The following SMARCA2 variants were observed in gnomAD, a reference collection of about 807,000 sequenced individuals.
SMARCA2 encodes the protein SWI/SNF-related matrix-associated actin-dependent regulator of chromatin subfamily A member 2.
SMARCA2 carries 61 observed loss-of-function variants against 199.8 expected under a neutral mutation model. The ratio of observed to expected loss-of-function variants is 0.31; its 90% CI spans 0.25 to 0.38. The LOEUF (loss-of-function observed/expected upper bound fraction) is 0.38. Ranked by LOEUF, SMARCA2 falls within the 10% of genes least tolerant of loss-of-function variation. The pLI, the probability that SMARCA2 is intolerant of heterozygous loss-of-function variation, is 1.00. For synonymous variants in SMARCA2, 935 were observed against 732.0 expected (o/e 1.28, Z -4.48); for missense variants, 1,344 against 2,012.2 (o/e 0.67, Z 6.35).
chr9:2,131,375 GAC>G (rs1823940584), intron 27 of SMARCA2, among the ~76,000 whole-genome samples: 1 of 152,218 alleles, frequency 6.6e-6, no homozygotes, highest in Non-Finnish European at 1.5e-5. Flanking sequence ...GATGAGGGAA[GAC>G]ACCGCTTTGT....
intron 33 of SMARCA2, 85 bp from the exon 34 acceptor site, chr9:2,192,619 A>G: frequency 1.1e-6 from 1 of 912,768 alleles, no homozygotes; most frequent in East Asian, 2.4e-5. Context: ...ATTTTTTCCT[A>G]CTGGCCTCTT....
chr9:2,076,584 A>G (rs1489659050), intron 13 of SMARCA2, among the ~76,000 whole-genome samples: 2 of 150,302 alleles, frequency 1.3e-5, no homozygotes, highest in Non-Finnish European at 3.0e-5. Context: ...CTCTCTCCTT[A>G]ATCCCCACCT....
rs201616418 is a variant in SMARCA2, at chr9:2,097,318, G to A, written c.2992-67G>A. The A allele has an allele frequency of 3.9e-5, 40 of 1,021,922 alleles. No individual in the cohort carries two copies. In the East Asian group the frequency reaches 8.8e-4, roughly 23 times the overall value. The allele number at this position is 1,021,922 out of a possible 1,614,324, so 63.3% of individuals were successfully genotyped here. A position where few individuals can be genotyped will look rare whatever the true frequency, so the allele number is the denominator to read the frequency against. ...TTGTCCTTTGTATAAGAAGCCCAGT[G>A]TGAAGGATCTGAAATGTCTGACCAG... On this transcript the variant is annotated intron_variant, in intron 20 of 33. Transcript: ENST00000349721.
intron 9 of SMARCA2, among the ~76,000 whole-genome samples, chr9:2,062,345 C>T (rs1447797824): frequency 6.6e-6 from 1 of 152,190 alleles, no homozygotes; most frequent in East Asian, 1.9e-4. Context: ...GCCATGTGTT[C>T]TGCAGAGGTT....
In SMARCA2 at chr9:2,174,924, C is replaced by CAAAAAAAAAAAAA. The variant is rs61327057; in HGVS notation, c.4253+4468_4253+4480dup. On this transcript the variant is annotated intron_variant, in intron 29 of 33. Transcript: ENST00000349721. Reference sequence around the variant, plus strand: ...TGGGGGACAGAGTGAGACCCTCTCTCAAAAAAAAAAAAAAAAAAAAAAAAA... The same window carrying CAAAAAAAAAAAAA: ...TGGGGGACAGAGTGAGACCCTCTCTCAAAAAAAAAAAAAAAAAAAAAAAAAAAAAAAAAAAAAA... 2.2e-4 allele frequency among the ~76,000 whole-genome samples: 14 copies of CAAAAAAAAAAAAA among 62,302 alleles called. 1 individual carries two copies. Among genetic ancestry groups the CAAAAAAAAAAAAA allele is most frequent in the African/African-American group, 7.2e-4 (10 of 13,962 alleles). The allele number at this position is 62,302 out of a possible 152,430, so 40.9% of individuals were successfully genotyped here. A position where few individuals can be genotyped will look rare whatever the true frequency, so the allele number is the denominator to read the frequency against.
intron 32 of SMARCA2, among the ~76,000 whole-genome samples, chr9:2,187,138 G>A (rs886688961): frequency 6.6e-6 from 1 of 152,082 alleles, no homozygotes; most frequent in Non-Finnish European, 1.5e-5. Context: ...GCCAGGGGAA[G>A]AGGGGTGATG....
chr9:2,047,608 A>G, intron 5 of SMARCA2, 124 bp downstream of exon 5: 1 of 1,147,172 alleles, frequency 8.7e-7, no homozygotes, highest in Non-Finnish European at 1.1e-6. Context: ...GCGGTCGGAA[A>G]ACTTTCATCC....
At chr9:2,132,246 G>T (rs1357713418) in intron 27 of SMARCA2, among the ~76,000 whole-genome samples, 2 of 152,186 alleles carry the variant, frequency 1.3e-5, no homozygotes, top group African/African-American at 4.8e-5. Flanking sequence ...TTCCTCACAG[G>T]TGTAAAGAGG....
chr9:2,138,126 A>G (rs1273332766), intron 27 of SMARCA2, among the ~76,000 whole-genome samples: 3 of 152,172 alleles, frequency 2.0e-5, no homozygotes, highest in Non-Finnish European at 4.4e-5. Flanking sequence ...TTGATTTTAT[A>G]ACAGCTGTCT....
chr9:2,063,396 G>A (rs934990025), intron 9 of SMARCA2, among the ~76,000 whole-genome samples: 1 of 152,178 alleles, frequency 6.6e-6, no homozygotes, highest in Non-Finnish European at 1.5e-5. Context: ...ATGATTGGGA[G>A]TTGCTTCTTC....
intron 26 of SMARCA2, among the ~76,000 whole-genome samples, chr9:2,120,494 A>G (rs145019793): frequency 6.6e-6 from 1 of 152,308 alleles, no homozygotes; most frequent in African/African-American, 2.4e-5. Context: ...ACTAAATCCA[A>G]CTTTTTAAGT....
chr9:2,077,941 G>A (rs1586680513), intron 14 of SMARCA2, among the ~76,000 whole-genome samples, 165 bp downstream of exon 14: 1 of 152,040 alleles, frequency 6.6e-6, no homozygotes, highest in Non-Finnish European at 1.5e-5. Flanking sequence ...TTCTTTTAGA[G>A]TACTCCATGT....
chr9:2,060,490 A>C (rs972703267), intron 8 of SMARCA2, among the ~76,000 whole-genome samples: 2 of 152,234 alleles, frequency 1.3e-5, no homozygotes, highest in Non-Finnish European at 2.9e-5. Context: ...TAGATCATGA[A>C]TTGTCAAATT....
chr9:2,040,187 T>C (rs1819544529), intron 4 of SMARCA2: 2 of 610,730 alleles, frequency 3.3e-6, no homozygotes, highest in South Asian at 2.3e-5. Flanking sequence ...TCAAGGTTTC[T>C]TGGAAGCCCA....
At chr9:2,180,656 G>C (rs1368710901) in intron 29 of SMARCA2, among the ~76,000 whole-genome samples, 1 of 152,206 alleles carries the variant, frequency 6.6e-6, no homozygotes, top group African/African-American at 2.4e-5. Flanking sequence ...TTATTGATCT[G>C]AGTAGACCAA....
rs1290494551 is a variant in SMARCA2 at position 2,100,582 on chromosome 9, G to T, written c.3079-988G>T. ...GCCAGGCATAGTGGCACATGCTGTA[G>T]TCCCAGCTATTCAGGAGTCTGAGGC... On this transcript the variant is annotated intron_variant, in intron 21 of 33. Transcript: ENST00000349721. Among the ~76,000 whole-genome samples the T allele has an allele frequency of 2.0e-5, 3 of 151,946 alleles. No individual in the cohort carries two copies. The South Asian group carries it at 6.2e-4, about 32-fold the overall frequency.
chr9:2,055,219 A>C (rs527359506), intron 6 of SMARCA2, among the ~76,000 whole-genome samples: 2 of 152,258 alleles, frequency 1.3e-5, no homozygotes, highest in Admixed American at 6.5e-5. Context: ...TTATTTATTC[A>C]CCGATGTCTA....
At chr9:2,125,207 A>G (rs1823635481) in intron 27 of SMARCA2, among the ~76,000 whole-genome samples, 1 of 152,196 alleles carries the variant, frequency 6.6e-6, no homozygotes, top group Non-Finnish European at 1.5e-5. Context: ...TCTGAAAAGC[A>G]CTGCTCATTA....
chr9:2,109,992 T>C (rs566211505), intron 23 of SMARCA2, among the ~76,000 whole-genome samples: 1 of 152,350 alleles, frequency 6.6e-6, no homozygotes, highest in Admixed American at 6.5e-5. Context: ...TTTCATTGTT[T>C]TAGGTGAGAG....
Sources: allele counts gnomAD v4.1 joint callset (sites outside exome capture counted in the v4.1 genomes callset), GRCh38; gene constraint gnomAD v4.1.1; transcripts MANE v1.5; gene names NCBI Gene and HGNC (gene_info 2026-07-23, HGNC 2026-07-21).